Variants in IGSF5 observed in about 807,000 individuals in gnomAD.
IGSF5 encodes the protein immunoglobulin superfamily 5 like.
A neutral mutation model predicts 39.4 loss-of-function variants in IGSF5; 41 were observed. That is an observed-to-expected ratio of 1.04 (90% CI 0.81 to 1.35). IGSF5 has a LOEUF of 1.35. Among genes scored for constraint, IGSF5 ranks in the 40% most tolerant of loss-of-function variants. IGSF5 has a pLI of 0.00. For synonymous variants in IGSF5, 183 were observed against 175.3 expected (o/e 1.04, Z -0.34); for missense variants, 487 against 494.6 (o/e 0.98, Z 0.15).
At chr21:39,712,167 G>T in the IGSF5 span, among the ~76,000 whole-genome samples, 1 of 152,270 alleles carries the variant, frequency 6.6e-6, no homozygotes, top group Middle Eastern at 3.4e-3. Flanking sequence ...GCATCTTGGA[G>T]TGTAGTGCCC....
At position 39,801,566 on chromosome 21, in the gene IGSF5, C is replaced by T. The variant is rs2087029788; in HGVS notation, c.*209C>T. The T allele has an allele frequency of 2.4e-6, 1 of 420,282 alleles. No individual in the cohort carries two copies. Among genetic ancestry groups the T allele is most frequent in the East Asian group, 3.4e-5 (1 of 29,552 alleles). 26.0% of individuals were successfully genotyped at this position (420,282 alleles called of 1,614,324 possible). On this transcript the variant is annotated 3_prime_UTR_variant, in exon 9 of 9. Coordinates refer to ENST00000380588, the MANE Select transcript of IGSF5 (RefSeq NM_001080444.2). ...GTAGAATGTGACTTTTAAGAGGTTT[C>T]ATGGTTTTTGTGAATTCCATGAAGT...
chr21:39,761,613 C>T (rs141551423), intron 2 of IGSF5, among the ~76,000 whole-genome samples: 287 of 152,324 alleles, frequency 1.9e-3, no homozygotes, highest in Admixed American at 5.3e-3. Flanking sequence ...TGAACAGATA[C>T]TTCTCAAAAG....
At chr21:39,761,865 G>A (rs1025682102) in intron 2 of IGSF5, among the ~76,000 whole-genome samples, 3 of 152,036 alleles carry the variant, frequency 2.0e-5, no homozygotes, top group African/African-American at 7.2e-5. Flanking sequence ...ATGGGATATT[G>A]TTATGTTTTC....
rs779790130 is a variant in IGSF5 at position 39,771,023 on chromosome 21, T to G, written c.526T>G (p.Trp176Gly). The change falls in exon 4 of 9, where the codon TGG becomes GGG. Residue 176 changes from tryptophan to glycine, a missense_variant. Transcript: ENST00000380588. ...CTGGACCCGGCTCCCGGATATTTCCTGGGAGCTCGGTCTCCTGGTCAGCCA... is the reference window on the plus strand; with the variant it reads ...CTGGACCCGGCTCCCGGATATTTCCGGGGAGCTCGGTCTCCTGGTCAGCCA... ...SHWTRLPDISWELGLLVSHSS... is the reference protein window; with the variant it reads ...SHWTRLPDISGELGLLVSHSS... 9 of 1,613,648 alleles carry G rather than the reference T, an allele frequency of 5.6e-6. No homozygotes were observed. The highest frequency in any genetic ancestry group is 7.6e-6 in the Non-Finnish European group (9 of 1,179,870).
chr21:39,781,880 A>G (rs1011948822), intron 5 of IGSF5, among the ~76,000 whole-genome samples: 10 of 152,134 alleles, frequency 6.6e-5, no homozygotes, highest in African/African-American at 2.4e-4. Context: ...TTTTGATGTT[A>G]GGACCGATGG....
intron 5 of IGSF5, 141 bp downstream of exon 5, chr21:39,779,446 A>G: frequency 9.0e-7 from 1 of 1,117,062 alleles, no homozygotes; most frequent in Non-Finnish European, 1.3e-6. Flanking sequence ...GTGGTTGCAC[A>G]CTGTTGGTGG....
At chr21:39,754,167 T>C (rs1319687341) in intron 2 of IGSF5, among the ~76,000 whole-genome samples, 2 of 152,238 alleles carry the variant, frequency 1.3e-5, no homozygotes, top group Non-Finnish European at 2.9e-5. Context: ...CTTTTAGCAT[T>C]TCTTGTAGTG....
At chr21:39,712,925 A>G in the IGSF5 span, among the ~76,000 whole-genome samples, 1 of 152,114 alleles carries the variant, frequency 6.6e-6, no homozygotes, top group Admixed American at 6.5e-5. Flanking sequence ...GTGAATCTAT[A>G]TGTGTTTTAA....
chr21:39,783,219 A>T (rs1408302896), intron 5 of IGSF5, among the ~76,000 whole-genome samples: 2 of 152,152 alleles, frequency 1.3e-5, no homozygotes, highest in Admixed American at 1.3e-4. Context: ...TACTGATTTC[A>T]ATTCTTTGAG....
chr21:39,768,518 G>A (rs765139907), intron 3 of IGSF5, among the ~76,000 whole-genome samples: 2 of 152,164 alleles, frequency 1.3e-5, no homozygotes, highest in Non-Finnish European at 2.9e-5. Flanking sequence ...CCTTCAGATC[G>A]CTGAGTTGGT....
chr21:39,745,772 C>T (rs988865947), intron 1 of IGSF5, among the ~76,000 whole-genome samples: 91 of 152,202 alleles, frequency 6.0e-4, no homozygotes, highest in African/African-American at 2.0e-3. Context: ...AGTCAGGCGG[C>T]CACGCTAATC....
chr21:39,742,394 G>A (rs571537195), upstream of IGSF5, among the ~76,000 whole-genome samples: 3 of 152,240 alleles, frequency 2.0e-5, no homozygotes, highest in Non-Finnish European at 4.4e-5. Flanking sequence ...CGGGACAGGA[G>A]AGTAAGACTG....
intron 3 of IGSF5, among the ~76,000 whole-genome samples, chr21:39,769,333 G>A (rs1288243792): frequency 2.6e-5 from 4 of 152,042 alleles, no homozygotes; most frequent in African/African-American, 9.7e-5. Flanking sequence ...TGGGCGCGGT[G>A]GCTTATGCCT....
intron 2 of IGSF5, among the ~76,000 whole-genome samples, chr21:39,755,549 TGCACTCCA>T (rs2080025251): frequency 6.7e-6 from 1 of 149,760 alleles, no homozygotes; most frequent in Non-Finnish European, 1.5e-5. Flanking sequence ...ATCGCACCAT[TGCACTCCA>T]GACTGGGTGA....
At chr21:39,747,072 A>G (rs2079978889) in intron 2 of IGSF5, among the ~76,000 whole-genome samples, 1 of 152,212 alleles carries the variant, frequency 6.6e-6, no homozygotes, top group Non-Finnish European at 1.5e-5. Context: ...GGATAACACA[A>G]CTAACCTGGT....
intron 2 of IGSF5, among the ~76,000 whole-genome samples, chr21:39,764,311 C>T (rs920619212): frequency 6.6e-6 from 1 of 152,158 alleles, no homozygotes; most frequent in Admixed American, 6.5e-5. Flanking sequence ...CCCCAGAAAC[C>T]TTTAGGGCTA....
chr21:39,788,195 T>C lies in IGSF5; in HGVS notation c.956+7T>C. The C allele has an allele frequency of 6.3e-7, 1 of 1,584,156 alleles. No individual in the cohort carries two copies. The highest frequency in any genetic ancestry group is 1.1e-5 in the South Asian group (1 of 88,576). On this transcript the variant is annotated splice_region_variant and intron_variant, in intron 6 of 8. Coordinates refer to ENST00000380588, the MANE Select transcript of IGSF5 (RefSeq NM_001080444.2). ...TTCGTATTCAATTTCAAAAGTAAGT[T>C]TGAAACCACATCTATTTTCTGAAAA...
At chr21:39,782,831 T>C (rs940439618) in intron 5 of IGSF5, among the ~76,000 whole-genome samples, 1 of 152,198 alleles carries the variant, frequency 6.6e-6, no homozygotes, top group Non-Finnish European at 1.5e-5. Flanking sequence ...TTTCCTCTTA[T>C]CTAGCCGTAA....
At chr21:39,717,932 G>C in the IGSF5 span, among the ~76,000 whole-genome samples, 1 of 152,138 alleles carries the variant, frequency 6.6e-6, no homozygotes, top group Admixed American at 6.5e-5. Context: ...GCTTTGGGTG[G>C]TATAGCCATT....
Sources: allele counts gnomAD v4.1 joint callset (sites outside exome capture counted in the v4.1 genomes callset), GRCh38; gene constraint gnomAD v4.1.1; transcripts MANE v1.5; gene names NCBI Gene and HGNC (gene_info 2026-07-23, HGNC 2026-07-21).